SHROOM2: variants seen among roughly 807,000 people sequenced by gnomAD.
The protein encoded by SHROOM2 is shroom family member 2.
In SHROOM2, 33 loss-of-function variants were observed where a neutral mutation model predicts 75.9. That is an observed-to-expected ratio of 0.43 (90% confidence interval 0.33 to 0.58). SHROOM2 has a LOEUF of 0.58. SHROOM2 is among the 20% of genes least tolerant of loss of function. SHROOM2 has a pLI of 0.04. For missense variants in SHROOM2, 1,434 were observed against 1,461.2 expected (o/e 0.98, Z 0.30); for synonymous variants, 655 against 663.6 (o/e 0.99, Z 0.20).
At chrX:9,883,978 C>A (rs1029627763) in intron 2 of SHROOM2, among the ~76,000 whole-genome samples, 18 of 111,673 alleles carry the variant, frequency 1.6e-4, no homozygotes, top group Non-Finnish European at 3.0e-4. Context: ...GCCTTTCCAA[C>A]TGCAGACTCT....
Position 9,894,897 on chromosome X carries a change from A to G in SHROOM2, c.989A>G (p.Lys330Arg). 8.3e-7 allele frequency: 1 copy of G among 1,211,189 alleles called. No homozygotes were observed. The highest frequency in any genetic ancestry group is 1.8e-5 in the South Asian group (1 of 56,896). ...PLRSDSFAAT[K>R]SHEKAQGPVF... ...CGCAGTGACAGCTTTGCTGCCACCA[A>G]GAGCCACGAGAAGGCCCAGGGCCCT... The change falls in exon 4 of 10, where the codon AAG becomes AGG. Residue 330 changes from lysine to arginine, a missense_variant. Physicochemically the swap from Lys to Arg is conservative, Grantham distance 26. Coordinates refer to ENST00000380913, the MANE Select transcript of SHROOM2 (RefSeq NM_001649.4).
chrX:9,872,089 T>C (rs930622696), intron 1 of SHROOM2, among the ~76,000 whole-genome samples: 17 of 112,474 alleles, frequency 1.5e-4, no homozygotes, highest in Admixed American at 1.4e-3. Context: ...TTCTGCCCTG[T>C]AGCAATATGT....
At chrX:9,819,308 C>T (rs924701217) in intron 1 of SHROOM2, 20 of 546,951 alleles carry the variant, frequency 3.7e-5, no homozygotes, top group Non-Finnish European at 2.8e-5. Flanking sequence ...CACCAAAATA[C>T]TTGGTGGGAT....
intron 5 of SHROOM2, 133 bp from the exon 6 acceptor site, chrX:9,932,042 A>G: frequency 1.9e-6 from 1 of 517,168 alleles, no homozygotes; most frequent in South Asian, 7.3e-5. Context: ...CGGTGGCGAC[A>G]GGTGTGGGAA....
chrX:9,931,643 C>T (rs1156784460), intron 5 of SHROOM2, among the ~76,000 whole-genome samples: 1 of 111,217 alleles, frequency 9.0e-6, no homozygotes, highest in African/African-American at 3.3e-5. Context: ...GACCCCAACT[C>T]TTTAAAAGAG....
In SHROOM2 at chrX:9,896,664, C is replaced by G. The variant is rs772477467; in HGVS notation, c.2756C>G (p.Ser919Cys). 8.4e-7 allele frequency: 1 copy of G among 1,197,284 alleles called. No individual in the cohort carries two copies. Among genetic ancestry groups the G allele is most frequent in the Non-Finnish European group, 1.1e-6 (1 of 888,595 alleles). ...QERPQHVHGRSRSSPSTDHYK... is the reference protein window; with the variant it reads ...QERPQHVHGRCRSSPSTDHYK... The stretch of plus-strand genomic sequence containing the variant: ...AGGCCGCAGCACGTTCATGGGAGGT[C>G]CCGGTCTTCACCGTCCACAGACCAC... Residue 919 changes from serine to cysteine, a missense_variant, in exon 4 of 10, where the codon TCC (serine) becomes TGC (cysteine). Transcript: ENST00000380913.
chrX:9,864,101 T>C (rs1601952363), intron 1 of SHROOM2, among the ~76,000 whole-genome samples: 1 of 111,059 alleles, frequency 9.0e-6, no homozygotes, highest in South Asian at 3.8e-4. Flanking sequence ...TCAGTGTAGA[T>C]GCATGTTCTC....
At chrX:9,929,458 T>C (rs780327550) in intron 5 of SHROOM2, among the ~76,000 whole-genome samples, 2 of 110,598 alleles carry the variant, frequency 1.8e-5, no homozygotes, top group Non-Finnish European at 3.8e-5. Context: ...TCTAGGAAGA[T>C]GGGAAGGAGC....
chrX:9,859,598 G>T (rs1325025840), intron 1 of SHROOM2, among the ~76,000 whole-genome samples: 1 of 111,645 alleles, frequency 9.0e-6, no homozygotes, highest in African/African-American at 3.3e-5. Flanking sequence ...GGCGAGCTGG[G>T]CAGAGTGTGT....
chrX:9,827,145 A>G (rs1053377018), intron 1 of SHROOM2, among the ~76,000 whole-genome samples: 2 of 110,478 alleles, frequency 1.8e-5, no homozygotes, highest in African/African-American at 6.6e-5. Flanking sequence ...TGGTGATTCT[A>G]AAGAACACCA....
intron 2 of SHROOM2, among the ~76,000 whole-genome samples, chrX:9,884,848 G>A (rs2084252290): frequency 1.8e-5 from 2 of 111,162 alleles, no homozygotes; most frequent in South Asian, 7.5e-4. Context: ...CGATATTGTC[G>A]ATACCATGGT....
At chrX:9,793,663 C>G (rs749913567) in intron 1 of SHROOM2, among the ~76,000 whole-genome samples, 1 of 111,116 alleles carries the variant, frequency 9.0e-6, no homozygotes, top group South Asian at 3.8e-4. Context: ...CCCTTCATAC[C>G]CCTAATGTGA....
At chrX:9,907,181 T>C (rs1250757708) in intron 5 of SHROOM2, among the ~76,000 whole-genome samples, 1 of 111,450 alleles carries the variant, frequency 9.0e-6, no homozygotes, top group Non-Finnish European at 1.9e-5. Context: ...GGTATGTGGA[T>C]GTCCTCTGCA....
intron 2 of SHROOM2, among the ~76,000 whole-genome samples, chrX:9,884,599 T>C (rs1452980026): frequency 9.4e-6 from 1 of 105,983 alleles, no homozygotes; most frequent in Non-Finnish European, 1.9e-5. Flanking sequence ...ACTCCTGGGC[T>C]CAAACATACA....
Position 9,895,944 on chromosome X carries a change from C to T in SHROOM2, c.2036C>T (p.Thr679Ile). 1 of 1,195,642 alleles carries T rather than the reference C, an allele frequency of 8.4e-7. No individual in the cohort carries two copies. Among genetic ancestry groups the T allele is most frequent in the Non-Finnish European group, 1.1e-6 (1 of 887,772 alleles). The part of the protein sequence containing the change: ...GGTQEGPLAG[T>I]YKDHLKEAQA... ...ACCCAGGAAGGACCCCTCGCTGGCA[C>T]CTATAAAGACCACCTGAAAGAGGCC... Residue 679 changes from threonine (T) to isoleucine (I), a missense_variant, in exon 4 of 10, where the codon ACC becomes ATC. Physicochemically the swap from Thr to Ile is moderately conservative, Grantham distance 89. Coordinates refer to ENST00000380913, the MANE Select transcript of SHROOM2 (RefSeq NM_001649.4).
intron 1 of SHROOM2, among the ~76,000 whole-genome samples, chrX:9,843,523 T>G (rs894277953): frequency 1.8e-5 from 2 of 110,698 alleles, no homozygotes; most frequent in Non-Finnish European, 3.8e-5. Context: ...CTCAGCCTCC[T>G]GAGCAGCTGG....
In SHROOM2 at chrX:9,894,679, C is replaced by T; in HGVS notation, c.771C>T (p.Asp257=). The change falls in exon 4 of 10, where the codon GAC becomes GAT. Residue 257 remains aspartate, a synonymous_variant. Coordinates refer to ENST00000380913, the MANE Select transcript of SHROOM2 (RefSeq NM_001649.4). ...QGGRQAQAAG[D]PQGSEEKLSC... is the part of the protein sequence containing the mutation. ...GCCGGCAGGCCCAGGCCGCAGGCGACCCTCAGGGCTCGGAGGAGAAGCTCA... is the reference window on the plus strand; with the variant it reads ...GCCGGCAGGCCCAGGCCGCAGGCGATCCTCAGGGCTCGGAGGAGAAGCTCA... 1.7e-6 allele frequency: 2 copies of T among 1,210,555 alleles called. No homozygotes were observed. Among genetic ancestry groups the T allele is most frequent in the Non-Finnish European group, 2.2e-6 (2 of 894,761 alleles).
At chrX:9,844,178 A>G (rs2083993767) in intron 1 of SHROOM2, among the ~76,000 whole-genome samples, 1 of 111,738 alleles carries the variant, frequency 8.9e-6, no homozygotes, top group Non-Finnish European at 1.9e-5. Context: ...TCCTGTGGAT[A>G]TGTTATTTAT....
chrX:9,793,123 G>A (rs1273202995), intron 1 of SHROOM2, among the ~76,000 whole-genome samples: 3 of 111,739 alleles, frequency 2.7e-5, no homozygotes, highest in African/African-American at 9.8e-5. Flanking sequence ...CATTTGGCCT[G>A]ACTACTGATC....
Sources: gnomAD v4.1 joint callset for allele counts (sites outside exome capture counted in the v4.1 genomes callset) on GRCh38, gnomAD v4.1.1 for gene constraint, MANE v1.5 for transcripts, NCBI Gene and HGNC (gene_info 2026-07-23, HGNC 2026-07-21) for gene names.